The following CDYL variants were observed in gnomAD, a reference collection of about 807,000 sequenced individuals.
The protein encoded by CDYL is chromodomain Y like.
Under a neutral mutation model 47.3 loss-of-function variants are expected in CDYL, and 8 were observed. That is an observed-to-expected ratio of 0.17 (90% confidence interval 0.10 to 0.31). The LOEUF is 0.31. Among genes scored for constraint, CDYL ranks in the 10% least tolerant of loss-of-function variants. The pLI is 1.00. For synonymous variants in CDYL, 266 were observed against 265.0 expected, an observed-to-expected ratio of 1.00 and a Z score of -0.04; for missense variants, 471 against 701.4, an observed-to-expected ratio of 0.67 and a Z score of 3.71.
chr6:4,747,523 G>A (rs1198053424), intron 3 of CDYL, among the ~76,000 whole-genome samples: 1 of 152,076 alleles, frequency 6.6e-6, no homozygotes, highest in Non-Finnish European at 1.5e-5. Context: ...CCCCAACTGT[G>A]CGTTTTCCAA....
rs571425746 is a variant in CDYL, at chr6:4,762,965, A to G, written c.186+28121A>G. ...GGAAACCCAACCAGGATAAATACAC[A>G]AACGAATACCTAAACACATCATAGT... is the stretch of plus-strand genomic sequence containing the variant. On this transcript the variant is annotated intron_variant, in intron 3 of 8. Coordinates refer to the CDYL transcript ENST00000328908. 2.6e-4 allele frequency among the ~76,000 whole-genome samples: 39 copies of G among 152,302 alleles called. No homozygotes were observed. In the South Asian group the frequency reaches 7.5e-3, roughly 29 times the overall value.
At chr6:4,802,837 G>A (rs1046680788) in intron 1 of CDYL, among the ~76,000 whole-genome samples, 2 of 151,384 alleles carry the variant, frequency 1.3e-5, no homozygotes, top group African/African-American at 4.9e-5. Flanking sequence ...CAGGGAGGGT[G>A]GGCGGGAGAG....
chr6:4,724,496 C>T (rs9378908), intron 2 of CDYL: 2 of 152,638 alleles, frequency 1.3e-5, no homozygotes, highest in East Asian at 1.9e-4. Context: ...GGTTCTTGGT[C>T]TCACTGACTT....
intron 5 of CDYL, among the ~76,000 whole-genome samples, chr6:4,950,885 T>C (rs1405782317): frequency 1.3e-5 from 2 of 151,238 alleles, no homozygotes; most frequent in Admixed American, 6.6e-5. Context: ...TGAGCCGATA[T>C]TGCACCACTG....
intron 2 of CDYL, among the ~76,000 whole-genome samples, chr6:4,902,095 T>A (rs1046921900): frequency 6.6e-6 from 1 of 152,016 alleles, no homozygotes; most frequent in Admixed American, 6.5e-5. Context: ...CCAGGGCTAG[T>A]AACAATAGAA....
At chr6:4,745,314 A>G (rs897554763) in intron 3 of CDYL, among the ~76,000 whole-genome samples, 2 of 152,224 alleles carry the variant, frequency 1.3e-5, no homozygotes, top group Non-Finnish European at 2.9e-5. Flanking sequence ...CATGGACTCT[A>G]TGAACAAAAA....
intron 2 of CDYL, chr6:4,733,105 A>G (rs1180066836): frequency 1.3e-5 from 2 of 152,278 alleles, no homozygotes; most frequent in Non-Finnish European, 2.9e-5. Flanking sequence ...CCCTATACAC[A>G]TGAGTGTCTC....
At chr6:4,734,730 C>T in intron 2 of CDYL, 1 of 1,612,716 alleles carries the variant, frequency 6.2e-7, no homozygotes, top group Non-Finnish European at 8.5e-7. Context: ...GGGTCCACCT[C>T]TCTCAGAAAC....
intron 2 of CDYL, among the ~76,000 whole-genome samples, chr6:4,717,486 CAGG>C (rs1466279502): frequency 6.6e-6 from 1 of 151,470 alleles, no homozygotes; most frequent in African/African-American, 2.4e-5. Flanking sequence ...CTCTTGAGGC[CAGG>C]AGTTCAGCAA....
At chr6:4,911,860 A>G (rs1377768478) in intron 2 of CDYL, among the ~76,000 whole-genome samples, 2 of 152,344 alleles carry the variant, frequency 1.3e-5, no homozygotes, top group East Asian at 1.9e-4. Context: ...GAAGGAATCA[A>G]AAAGATAGTA....
chr6:4,944,904 A>G (rs1758465718), intron 5 of CDYL, among the ~76,000 whole-genome samples: 1 of 152,206 alleles, frequency 6.6e-6, no homozygotes, highest in Admixed American at 6.5e-5. Context: ...ACTGAGGGGA[A>G]CACAGCCTTC....
At chr6:4,944,985 G>C (rs372602686) in intron 5 of CDYL, among the ~76,000 whole-genome samples, 9 of 152,204 alleles carry the variant, frequency 5.9e-5, no homozygotes, top group South Asian at 4.2e-4. Flanking sequence ...GGCCCAGACT[G>C]GGGGGCAGTC....
chr6:4,950,924 T>C (rs1224141935), intron 5 of CDYL, among the ~76,000 whole-genome samples: 2 of 110,534 alleles, frequency 1.8e-5, no homozygotes, highest in Admixed American at 1.2e-4. Flanking sequence ...AGAAGGAGAC[T>C]CCGTCTCAAA....
rs575146773 is a variant in CDYL at position 4,803,848 on chromosome 6, A to G, written c.24+27041A>G. ...GTTAAAAGATATTTTATCCAACTCT[A>G]TGTGTGTATGTGTGTTTTTTGTACT... On this transcript the variant is annotated intron_variant, in intron 1 of 6. Transcript: ENST00000397588. Among the ~76,000 whole-genome samples the G allele has an allele frequency of 1.1e-3, 159 of 149,402 alleles. 1 individual carries two copies. The highest frequency in any genetic ancestry group is 3.6e-3 in the African/African-American group (147 of 40,430).
chr6:4,813,356 C>T (rs1759580281), intron 1 of CDYL, among the ~76,000 whole-genome samples: 1 of 152,168 alleles, frequency 6.6e-6, no homozygotes, highest in South Asian at 2.1e-4. Context: ...GATTTGCTGG[C>T]GAAGAGGTCT....
At chr6:4,880,302 G>A (rs761710450) in intron 1 of CDYL, among the ~76,000 whole-genome samples, 1 of 152,068 alleles carries the variant, frequency 6.6e-6, no homozygotes, top group Non-Finnish European at 1.5e-5. Context: ...TCAGATGGGC[G>A]TCTTTTACCT....
At chr6:4,937,469 C>G in intron 3 of CDYL, 96 bp from the exon 4 acceptor site, 3 of 991,472 alleles carry the variant, frequency 3.0e-6, no homozygotes, top group Non-Finnish European at 4.2e-6. Context: ...GCACGCCAAC[C>G]TGAGCAACAG....
rs1220969716 is a variant in CDYL, at chr6:4,788,480, C to CAAAAAAA, written c.24+11689_24+11695dup. On this transcript the variant is annotated intron_variant, in intron 1 of 6. Coordinates refer to ENST00000397588, the MANE Select transcript of CDYL (RefSeq NM_004824.4). ...CCTGGGTGACAGAGTGAGACTCTGT[C>CAAAAAAA]AAAAAAAAAAAAAAAAAAAAAAGGC... 1.4e-3 allele frequency among the ~76,000 whole-genome samples: 83 copies of CAAAAAAA among 61,046 alleles called. 3 individuals carry two copies. The highest frequency in any genetic ancestry group is 0.011 in the Middle Eastern group (1 of 90). The allele number at this position is 61,046 out of a possible 152,430, so 40.0% of individuals were successfully genotyped here.
rs1209889856 is a variant in CDYL, at chr6:4,759,937, AAAAGAAAAGAAAG to A, written c.186+25102_186+25114del. Among the ~76,000 whole-genome samples the A allele has an allele frequency of 4.4e-5, 5 of 114,028 alleles. No homozygotes were observed. In the Admixed American group the frequency reaches 4.5e-4, roughly 10 times the overall value. 74.8% of individuals were successfully genotyped at this position (114,028 alleles called of 152,430 possible). A position where few individuals can be genotyped will look rare whatever the true frequency, so the allele number is the denominator to read the frequency against. On this transcript the variant is annotated intron_variant, in intron 3 of 8. Coordinates refer to the CDYL transcript ENST00000328908. ...AAAAAAAAAAAAAAGAAGAAGAAAG[AAAAGAAAAGAAAG>A]AAAGAAAAAAGAAAAACAAAAGAAA...
Sources: allele counts gnomAD v4.1 joint callset (sites outside exome capture counted in the v4.1 genomes callset), GRCh38; gene constraint gnomAD v4.1.1; transcripts MANE v1.5; gene names NCBI Gene and HGNC (gene_info 2026-07-23, HGNC 2026-07-21).